The following WDR7 variants were observed in gnomAD, a reference collection of about 807,000 sequenced individuals.
The protein encoded by WDR7 is WD repeat-containing protein 7.
In WDR7, 46 loss-of-function variants were observed where a neutral mutation model predicts 169.4. The observed-to-expected ratio is 0.27, with a 90% confidence interval of 0.21 to 0.35. The LOEUF is 0.35. Among genes scored for constraint, WDR7 ranks in the 10% least tolerant of loss-of-function variants. The probability of loss-of-function intolerance (pLI) is 1.00; values close to 1 mark genes in which losing one functional copy is unlikely to be tolerated. For missense variants in WDR7, 1,534 were observed against 1,859.3 expected (o/e 0.83, Z 3.22); for synonymous variants, 612 against 666.8 (o/e 0.92, Z 1.27).
chr18:57,020,086 A>G (rs754907446), intron 26 of WDR7, among the ~76,000 whole-genome samples: 11 of 152,224 alleles, frequency 7.2e-5, no homozygotes, highest in Admixed American at 6.5e-5. Flanking sequence ...TTTATTATTC[A>G]TGGTTAAATC....
At chr18:56,727,664 A>G (rs945131216) in intron 13 of WDR7, among the ~76,000 whole-genome samples, 2 of 152,176 alleles carry the variant, frequency 1.3e-5, no homozygotes, top group African/African-American at 2.4e-5. Context: ...CGCTTGACAC[A>G]TGGGGATTAT....
At chr18:56,835,194 G>C (rs1367139584) in intron 20 of WDR7, among the ~76,000 whole-genome samples, 1 of 152,188 alleles carries the variant, frequency 6.6e-6, no homozygotes, top group African/African-American at 2.4e-5. Context: ...GAGTAGAATA[G>C]AGACATCTTT....
At chr18:57,007,798 C>T (rs1048917194) in intron 26 of WDR7, among the ~76,000 whole-genome samples, 42 of 152,156 alleles carry the variant, frequency 2.8e-4, no homozygotes, top group African/African-American at 8.9e-4. Context: ...CTGCTAGTGT[C>T]TCCTGTCGTT....
chr18:56,907,558 G>T (rs552485455), intron 21 of WDR7, among the ~76,000 whole-genome samples: 10 of 152,082 alleles, frequency 6.6e-5, no homozygotes, highest in Non-Finnish European at 1.0e-4. Context: ...TTGTAAAATA[G>T]GCATGAAGAT....
chr18:57,007,147 T>C (rs1452890282), intron 26 of WDR7, among the ~76,000 whole-genome samples: 1 of 152,010 alleles, frequency 6.6e-6, no homozygotes, highest in African/African-American at 2.4e-5. Context: ...ACCCAGCTAA[T>C]TTTTTGTATT....
At chr18:56,799,705 A>G (rs2044641527) in intron 19 of WDR7, among the ~76,000 whole-genome samples, 1 of 152,208 alleles carries the variant, frequency 6.6e-6, no homozygotes, top group African/African-American at 2.4e-5. Context: ...GTGTATATTT[A>G]TGGTGACAGA....
chr18:56,657,464 T>C (rs990530579), intron 1 of WDR7, among the ~76,000 whole-genome samples: 39 of 152,300 alleles, frequency 2.6e-4, no homozygotes, highest in African/African-American at 9.4e-4. Context: ...ATTATGGAGT[T>C]AGTGAGGTTT....
chr18:56,762,314 C>CT (rs1160112265), intron 16 of WDR7, among the ~76,000 whole-genome samples: 1 of 151,258 alleles, frequency 6.6e-6, no homozygotes, highest in Non-Finnish European at 1.5e-5. Flanking sequence ...GGAATGTTTT[C>CT]TTTTTTTTCT....
At chr18:56,673,510 CA>C (rs1176529634) in intron 2 of WDR7, among the ~76,000 whole-genome samples, 1 of 152,088 alleles carries the variant, frequency 6.6e-6, no homozygotes, top group Non-Finnish European at 1.5e-5. Flanking sequence ...ACATTTTCAT[CA>C]CTTCCAAAAC....
At chr18:56,693,178 T>C (rs894775316) in intron 9 of WDR7, among the ~76,000 whole-genome samples, 25 of 152,256 alleles carry the variant, frequency 1.6e-4, no homozygotes, top group African/African-American at 5.8e-4. Flanking sequence ...TAACCAGTAT[T>C]TGAATACAGT....
At chr18:56,797,824 A>G (rs1309359862) in intron 19 of WDR7, among the ~76,000 whole-genome samples, 2 of 152,230 alleles carry the variant, frequency 1.3e-5, no homozygotes, top group African/African-American at 2.4e-5. Flanking sequence ...TTGCACATAC[A>G]TGGAGCACAG....
At chr18:56,751,533 T>C (rs2043792086) in intron 14 of WDR7, among the ~76,000 whole-genome samples, 1 of 152,230 alleles carries the variant, frequency 6.6e-6, no homozygotes, top group African/African-American at 2.4e-5. Context: ...CTAATGTTGT[T>C]ATTACCTATT....
chr18:56,868,600 A>G (rs2045912471), intron 20 of WDR7, among the ~76,000 whole-genome samples: 1 of 152,164 alleles, frequency 6.6e-6, no homozygotes, highest in Non-Finnish European at 1.5e-5. Context: ...CTATTTTTAT[A>G]AGTAAATCTC....
chr18:56,985,463 A>AG (rs1256176165), intron 26 of WDR7, among the ~76,000 whole-genome samples: 1 of 151,962 alleles, frequency 6.6e-6, no homozygotes, highest in Non-Finnish European at 1.5e-5. Flanking sequence ...AATGGGGAGG[A>AG]GGTGGGGGAA....
intron 26 of WDR7, among the ~76,000 whole-genome samples, chr18:56,979,122 C>T (rs767029197): frequency 2.8e-4 from 43 of 151,736 alleles, no homozygotes; most frequent in Non-Finnish European, 4.4e-4. Context: ...ATGATATTGC[C>T]GCAAACAATG....
intron 13 of WDR7, among the ~76,000 whole-genome samples, chr18:56,728,197 G>A (rs1373902447): frequency 6.6e-6 from 1 of 152,126 alleles, no homozygotes. Context: ...GGTCACTTAA[G>A]GTGTTTTTTG....
intron 25 of WDR7, among the ~76,000 whole-genome samples, chr18:56,941,737 C>G (rs1454609273): frequency 2.0e-5 from 3 of 152,190 alleles, no homozygotes; most frequent in African/African-American, 4.8e-5. Flanking sequence ...TCTATGTGGC[C>G]TTTACACTTT....
intron 26 of WDR7, among the ~76,000 whole-genome samples, chr18:57,008,051 G>A (rs2048089870): frequency 1.3e-5 from 2 of 151,930 alleles, no homozygotes; most frequent in African/African-American, 4.8e-5. Context: ...ATATTTCTGT[G>A]TGCTCAGTCC....
At chr18:56,930,019 C>A (rs1246980034) in intron 22 of WDR7, among the ~76,000 whole-genome samples, 1 of 152,122 alleles carries the variant, frequency 6.6e-6, no homozygotes, top group African/African-American at 2.4e-5. Context: ...TGTGGCAGGG[C>A]CTTTACTCTG....
Sources: gnomAD v4.1 joint callset for allele counts (sites outside exome capture counted in the v4.1 genomes callset) on GRCh38, gnomAD v4.1.1 for gene constraint, MANE v1.5 for transcripts, NCBI Gene and HGNC (gene_info 2026-07-23, HGNC 2026-07-21) for gene names.